GRIA2: variants seen among roughly 807,000 people sequenced by gnomAD.
GRIA2 encodes the protein glutamate ionotropic receptor AMPA type subunit 2, also known as glutamate receptor 2.
Under a neutral mutation model 97.3 loss-of-function variants are expected in GRIA2, and 14 were observed. That is an observed-to-expected ratio of 0.14 (90% CI 0.10 to 0.23). GRIA2 has a LOEUF of 0.23. GRIA2 is among the 10% of genes least tolerant of loss of function. The pLI, the probability that GRIA2 is intolerant of heterozygous loss-of-function variation, is 1.00. For missense variants in GRIA2, 558 were observed against 1,069.8 expected, an observed-to-expected ratio of 0.52 and a Z score of 6.67; for synonymous variants, 412 against 387.8, an observed-to-expected ratio of 1.06 and a Z score of -0.73.
chr4:157,239,615 A>G (rs1353841628), intron 2 of GRIA2, among the ~76,000 whole-genome samples: 1 of 151,896 alleles, frequency 6.6e-6, no homozygotes, highest in African/African-American at 2.4e-5. Context: ...TTCTTACTTT[A>G]TGAATTGATG....
upstream of GRIA2, chr4:157,220,698 A>C: frequency 3.2e-6 from 1 of 314,362 alleles, no homozygotes; most frequent in East Asian, 7.0e-5. Context: ...GTGAGAGAGG[A>C]GAGAGGGAGA....
intron 2 of GRIA2, among the ~76,000 whole-genome samples, chr4:157,245,813 G>T (rs758206609): frequency 1.3e-4 from 19 of 151,874 alleles, no homozygotes; most frequent in Non-Finnish European, 2.4e-4. Context: ...TTTCATTTAG[G>T]CAACCCTCTG....
Position 157,244,964 on chromosome 4 carries a change from A to C in GRIA2, c.229+23157A>C, listed in dbSNP as rs540667730. 6.6e-5 allele frequency among the ~76,000 whole-genome samples: 10 copies of C among 152,074 alleles called. No homozygotes were observed. The East Asian group carries it at 1.7e-3, about 27-fold the overall frequency. ...TGAAATTTAATTTGCTCATCTTCTG[A>C]TTGTCCTAATTGCCTTGCCCAGTTT... On this transcript the variant is annotated intron_variant, in intron 2 of 15. Coordinates refer to ENST00000264426, the MANE Select transcript of GRIA2 (RefSeq NM_001083619.3).
At chr4:157,253,062 G>GT (rs1731084618) in intron 2 of GRIA2, among the ~76,000 whole-genome samples, 1 of 150,848 alleles carries the variant, frequency 6.6e-6, no homozygotes, top group Admixed American at 6.6e-5. Context: ...AAATTGTGGT[G>GT]TTTATTACTA....
chr4:157,359,354 T>C (rs1016874409), intron 12 of GRIA2, among the ~76,000 whole-genome samples: 2 of 152,190 alleles, frequency 1.3e-5, no homozygotes, highest in African/African-American at 4.8e-5. Context: ...CCAAAGAATA[T>C]TCTTTTAAAA....
chr4:157,256,204 A>ATATGT (rs1731245887), intron 2 of GRIA2, among the ~76,000 whole-genome samples: 2 of 129,990 alleles, frequency 1.5e-5, no homozygotes, highest in East Asian at 2.1e-4. Flanking sequence ...TATATTACAT[A>ATATGT]TATATGTTAT....
chr4:157,363,155 A>G, intron 15 of GRIA2, 108 bp downstream of exon 15: 1 of 1,161,318 alleles, frequency 8.6e-7, no homozygotes. Flanking sequence ...TCCTGTATGT[A>G]TTGTTGACGT....
chr4:157,239,356 A>G (rs1301919104), intron 2 of GRIA2, among the ~76,000 whole-genome samples: 1 of 151,874 alleles, frequency 6.6e-6, no homozygotes, highest in Non-Finnish European at 1.5e-5. Context: ...TGTTTCAAAG[A>G]TGTGCAATTT....
At chr4:157,231,852 T>A (rs2126694903) in intron 2 of GRIA2, among the ~76,000 whole-genome samples, 1 of 152,318 alleles carries the variant, frequency 6.6e-6, no homozygotes. Context: ...ATATTTTTAG[T>A]GTTTTAAAAA....
intron 3 of GRIA2, among the ~76,000 whole-genome samples, chr4:157,311,668 G>A (rs906984251): frequency 1.3e-5 from 2 of 151,958 alleles, no homozygotes; most frequent in Non-Finnish European, 2.9e-5. Flanking sequence ...AATATTGTTA[G>A]AGAAAGATGC....
At chr4:157,325,591 C>A (rs143044950) in intron 6 of GRIA2, among the ~76,000 whole-genome samples, 3 of 152,116 alleles carry the variant, frequency 2.0e-5, no homozygotes, top group Admixed American at 1.3e-4. Context: ...CTTATATATT[C>A]AAAACTAAAC....
intron 2 of GRIA2, among the ~76,000 whole-genome samples, chr4:157,297,738 T>C (rs1733414855): frequency 6.6e-6 from 1 of 152,136 alleles, no homozygotes; most frequent in South Asian, 2.1e-4. Context: ...TAAAGTAATA[T>C]GTGTTTAGAT....
chr4:157,323,538 G>A (rs1179989804), intron 6 of GRIA2, among the ~76,000 whole-genome samples: 1 of 151,852 alleles, frequency 6.6e-6, no homozygotes, highest in African/African-American at 2.4e-5. Flanking sequence ...TTCAGAGATG[G>A]TGCCATGTAA....
chr4:157,331,936 C>T (rs1376392395), intron 6 of GRIA2, among the ~76,000 whole-genome samples: 2 of 152,006 alleles, frequency 1.3e-5, no homozygotes, highest in Non-Finnish European at 1.5e-5. Context: ...TGGTACAGTA[C>T]TGCATTTTTT....
At chr4:157,338,879 G>T (rs554931076) in intron 11 of GRIA2, among the ~76,000 whole-genome samples, 1 of 152,046 alleles carries the variant, frequency 6.6e-6, no homozygotes, top group African/African-American at 2.4e-5. Context: ...GGTTACCCTA[G>T]TTGAGAAGAA....
chr4:157,306,845 A>G (rs1446846452), intron 3 of GRIA2, among the ~76,000 whole-genome samples: 1 of 152,114 alleles, frequency 6.6e-6, no homozygotes, highest in Non-Finnish European at 1.5e-5. Context: ...CATTTTGCTT[A>G]TGCTTCAAAG....
intron 6 of GRIA2, among the ~76,000 whole-genome samples, chr4:157,326,594 A>T (rs1560767417): frequency 6.6e-6 from 1 of 152,172 alleles, no homozygotes; most frequent in Admixed American, 6.5e-5. Context: ...TGGGAGCAAT[A>T]TGGAATTGGA....
At chr4:157,262,390 G>A (rs766418941) in intron 2 of GRIA2, among the ~76,000 whole-genome samples, 3 of 151,664 alleles carry the variant, frequency 2.0e-5, no homozygotes, top group Non-Finnish European at 4.4e-5. Context: ...TTGCTGGATG[G>A]GCTCTAACTT....
Position 157,361,977 on chromosome 4 carries a change from T to G in GRIA2, c.2407-822T>G, listed in dbSNP as rs1736650477. Among the ~76,000 whole-genome samples the G allele has an allele frequency of 6.6e-6, 1 of 152,116 alleles. No homozygotes were observed. Among genetic ancestry groups the G allele is most frequent in the South Asian group, 2.1e-4 (1 of 4,828 alleles). ...GAGAACATTAATGAAACACTTAAGA[T>G]TAAGTGATTATAGGGATGTGTGTTT... On this transcript the variant is annotated intron_variant, in intron 14 of 15. Coordinates refer to ENST00000264426, the MANE Select transcript of GRIA2 (RefSeq NM_001083619.3). The surrounding 1 kb of genome is among the most constrained non-coding windows in gnomAD (Gnocchi z 5.2).
Sources: allele counts gnomAD v4.1 joint callset (sites outside exome capture counted in the v4.1 genomes callset), GRCh38; gene constraint gnomAD v4.1.1; non-coding constraint Gnocchi (gnomAD v3.1); transcripts MANE v1.5; gene names NCBI Gene and HGNC (gene_info 2026-07-23, HGNC 2026-07-21).